PFKFB3: variants seen among roughly 807,000 people sequenced by gnomAD.
The protein encoded by PFKFB3 is 6-phosphofructo-2-kinase/fructose-2,6-bisphosphatase 3.
Under a neutral mutation model 68.0 loss-of-function variants are expected in PFKFB3, and 33 were observed. The ratio of observed to expected loss-of-function variants is 0.49; its 90% CI spans 0.37 to 0.65. PFKFB3 has a LOEUF of 0.65. Ranked by LOEUF, PFKFB3 falls within the 30% of genes least tolerant of loss-of-function variation. PFKFB3 has a pLI of 0.00. For missense variants in PFKFB3, 586 were observed against 712.2 expected (o/e 0.82, Z 2.02); for synonymous variants, 315 against 288.2 (o/e 1.09, Z -0.94).
At chr10:6,262,452 C>CA in the PFKFB3 span, among the ~76,000 whole-genome samples, 935 of 27,578 alleles carry the variant, frequency 0.034, 105 homozygotes, top group African/African-American at 0.11. Flanking sequence ...GACTCCATCT[C>CA]AAAAAAAAAA....
rs558126063 is a variant in PFKFB3, at chr10:6,220,670, G to A, written c.636G>A (p.Leu212=). The A allele has an allele frequency of 4.3e-5, 70 of 1,613,906 alleles. 1 individual carries two copies. The South Asian group carries it at 7.2e-4, about 17-fold the overall frequency. The change falls in exon 8 of 15, where the codon CTG becomes CTA. Residue 212 remains leucine, a synonymous_variant. Coordinates refer to ENST00000379775, the MANE Select transcript of PFKFB3 (RefSeq NM_004566.4). This position sits in a 1 kb window ranked among gnomAD's most constrained non-coding sequence, Gnocchi z 4.1. ...GGTCTCTCTGCAGGGACTTGTCGCTGATCAAGGTGATTGACGTGGGCCGGA... is the reference window on the plus strand; with the variant it reads ...GGTCTCTCTGCAGGGACTTGTCGCTAATCAAGGTGATTGACGTGGGCCGGA... The part of the protein sequence containing the change: ...DPDKCDRDLS[L]IKVIDVGRRF...
intron 1 of PFKFB3, among the ~76,000 whole-genome samples, chr10:6,176,118 C>T (rs1252933226): frequency 1.3e-5 from 2 of 152,164 alleles, no homozygotes; most frequent in African/African-American, 4.8e-5. Flanking sequence ...CAGTGGAATA[C>T]TACAGAAGGA....
chr10:6,310,430 C>T, the PFKFB3 span, among the ~76,000 whole-genome samples: 3 of 151,896 alleles, frequency 2.0e-5, no homozygotes, highest in African/African-American at 4.8e-5. Context: ...GTTTACATCG[C>T]GAGTCTCTGC....
the PFKFB3 span, chr10:6,277,784 T>G: frequency 2.4e-6 from 1 of 423,920 alleles, no homozygotes; most frequent in African/African-American, 2.0e-5. Context: ...AAACCTCTTT[T>G]CTTCATAAAT....
intron 1 of PFKFB3, among the ~76,000 whole-genome samples, chr10:6,171,400 CTTT>C (rs76434176): frequency 2.1e-5 from 3 of 141,610 alleles, no homozygotes; most frequent in Non-Finnish European, 3.1e-5. Flanking sequence ...TTCTTTCTTT[CTTT>C]TTTTTTTTTT....
At chr10:6,217,696 T>G (rs1588505146) in intron 6 of PFKFB3, among the ~76,000 whole-genome samples, 1 of 152,186 alleles carries the variant, frequency 6.6e-6, no homozygotes, top group East Asian at 1.9e-4. Context: ...CTGTCTGTGC[T>G]GTGCAGGGGA....
the PFKFB3 span, among the ~76,000 whole-genome samples, chr10:6,318,498 C>A: frequency 2.6e-5 from 4 of 152,190 alleles, no homozygotes; most frequent in African/African-American, 9.6e-5. Context: ...CCTGTCCATT[C>A]CCGGAGCTGT....
chr10:6,318,594 A>G, the PFKFB3 span, among the ~76,000 whole-genome samples: 13 of 152,038 alleles, frequency 8.6e-5, no homozygotes, highest in Non-Finnish European at 1.8e-4. Flanking sequence ...AGAGATGCTC[A>G]TTTTGCGCTT....
chr10:6,162,685 C>T (rs1842003670), intron 1 of PFKFB3, among the ~76,000 whole-genome samples: 1 of 152,166 alleles, frequency 6.6e-6, no homozygotes, highest in Non-Finnish European at 1.5e-5. Context: ...TCAATTGATG[C>T]TCAAGCCACT....
the PFKFB3 span, among the ~76,000 whole-genome samples, chr10:6,306,303 AT>A: frequency 3.5e-4 from 54 of 152,350 alleles, no homozygotes; most frequent in Admixed American, 2.7e-3. Flanking sequence ...CTATGCATCT[AT>A]CAAAGCAGAA....
At chr10:6,316,412 T>G in the PFKFB3 span, among the ~76,000 whole-genome samples, 1 of 152,272 alleles carries the variant, frequency 6.6e-6, no homozygotes, top group South Asian at 2.1e-4. Flanking sequence ...TTTCTGTTTC[T>G]GCCCAACACA....
At chr10:6,258,919 A>G (rs1435576909), downstream of PFKFB3, among the ~76,000 whole-genome samples, 1 of 152,236 alleles carries the variant, frequency 6.6e-6, no homozygotes, top group Non-Finnish European at 1.5e-5. Context: ...CTTTCCTGTT[A>G]CCACAAAGCC....
At chr10:6,216,278 C>A in intron 4 of PFKFB3, 87 bp downstream of exon 4, 1 of 1,272,752 alleles carries the variant, frequency 7.9e-7, no homozygotes, top group Non-Finnish European at 1.1e-6. Context: ...AGACCTGTGC[C>A]TCTGGCCCTG....
intron 1 of PFKFB3, among the ~76,000 whole-genome samples, chr10:6,159,359 C>T (rs1032218949): frequency 1.3e-5 from 2 of 151,628 alleles, no homozygotes; most frequent in Non-Finnish European, 2.9e-5. Context: ...CGCGCCACTG[C>T]ACTCCAACCT....
chr10:6,150,672 G>A (rs1841545243), intron 1 of PFKFB3, among the ~76,000 whole-genome samples: 1 of 151,966 alleles, frequency 6.6e-6, no homozygotes, highest in African/African-American at 2.4e-5. Context: ...GCTGAAAGAT[G>A]ATGGCATTTC....
chr10:6,214,245 T>C (rs1844414701), intron 2 of PFKFB3, among the ~76,000 whole-genome samples: 1 of 152,196 alleles, frequency 6.6e-6, no homozygotes, highest in Non-Finnish European at 1.5e-5. Flanking sequence ...TAGATTCCCA[T>C]GGGAGTGAAC....
intron 6 of PFKFB3, 78 bp downstream of exon 6, chr10:6,217,269 C>T (rs1461898782): frequency 9.1e-6 from 12 of 1,324,016 alleles, no homozygotes; most frequent in Middle Eastern, 1.8e-4. Flanking sequence ...AGTGGGGGAC[C>T]GGGTCCGGCT....
the PFKFB3 span, among the ~76,000 whole-genome samples, chr10:6,262,608 T>C: frequency 1.3e-5 from 2 of 152,150 alleles, no homozygotes; most frequent in Non-Finnish European, 2.9e-5. Context: ...TGTGTTATTG[T>C]ATCAGTCATG....
At chr10:6,204,282 C>A (rs887233402) in intron 1 of PFKFB3, among the ~76,000 whole-genome samples, 2 of 152,272 alleles carry the variant, frequency 1.3e-5, no homozygotes, top group Non-Finnish European at 2.9e-5. Flanking sequence ...GACAGGGAGC[C>A]GCCTGGTGCG....
Sources: allele counts gnomAD v4.1 joint callset (sites outside exome capture counted in the v4.1 genomes callset), GRCh38; gene constraint gnomAD v4.1.1; non-coding constraint Gnocchi (gnomAD v3.1); transcripts MANE v1.5; gene names NCBI Gene and HGNC (gene_info 2026-07-23, HGNC 2026-07-21).